Variants in ADGRE3 observed in about 807,000 individuals in gnomAD.
ADGRE3 encodes the protein EGF-like module receptor 3.
ADGRE3 carries 88 observed loss-of-function variants against 80.1 expected under a neutral mutation model. The ratio of observed to expected loss-of-function variants is 1.10; its 90% CI spans 0.93 to 1.31. The LOEUF (loss-of-function observed/expected upper bound fraction) is 1.31. Among genes scored for constraint, ADGRE3 ranks in the 40% most tolerant of loss-of-function variants. The pLI is 0.00. For missense variants in ADGRE3, 715 were observed against 776.5 expected (o/e 0.92, Z 0.94); for synonymous variants, 281 against 294.8 (o/e 0.95, Z 0.48).
intron 6 of ADGRE3, among the ~76,000 whole-genome samples, chr19:14,651,586 T>C (rs1043852759): frequency 6.6e-6 from 1 of 152,242 alleles, no homozygotes; most frequent in African/African-American, 2.4e-5. Flanking sequence ...GCTCTTAGCA[T>C]ACACCTTTGA....
At chr19:14,605,853 C>T in the ADGRE3 span, among the ~76,000 whole-genome samples, 1 of 152,130 alleles carries the variant, frequency 6.6e-6, no homozygotes, top group Non-Finnish European at 1.5e-5. Flanking sequence ...ATCCTCCCAC[C>T]TCAGCCTCCT....
the ADGRE3 span, chr19:14,611,216 C>T: frequency 1.3e-5 from 2 of 152,066 alleles, no homozygotes; most frequent in Admixed American, 6.6e-5. Flanking sequence ...TCTCCAGACA[C>T]TGCTTCCTTC....
Position 14,651,189 on chromosome 19 carries a change from G to A in ADGRE3, c.593C>T (p.Ala198Val), listed in dbSNP as rs753290906. The stretch of plus-strand genomic sequence containing the variant: ...TTCTTCAGAGCAATTGTCTGTAATC[G>A]CTTGAGTTTCAATAGCTGGTAAGAA... ...QNDSVAIETQAITDNCSEERK... is the reference protein window; with the variant it reads ...QNDSVAIETQVITDNCSEERK... The change falls in exon 7 of 16, where the codon GCG (alanine) becomes GTG (valine). Residue 198 changes from alanine to valine, a missense_variant. Ala to Val is a moderately conservative substitution (Grantham distance 64). Transcript: ENST00000253673. The A allele has an allele frequency of 1.9e-6, 3 of 1,613,992 alleles. No homozygotes were observed. Among genetic ancestry groups the A allele is most frequent in the Non-Finnish European group, 2.5e-6 (3 of 1,179,930 alleles).
intron 8 of ADGRE3, among the ~76,000 whole-genome samples, chr19:14,644,520 G>A (rs531170861): frequency 5.9e-5 from 9 of 151,796 alleles, no homozygotes; most frequent in East Asian, 1.9e-4. Flanking sequence ...AGGGTCAACC[G>A]TGCTGCCCAG....
intron 8 of ADGRE3, 22 bp from the exon 9 acceptor site, chr19:14,644,297 G>T: frequency 6.9e-7 from 1 of 1,453,898 alleles, no homozygotes; most frequent in Non-Finnish European, 9.2e-7. Context: ...AAATAGAAAG[G>T]GCTCATTGTC....
chr19:14,668,286 G>T (rs1005834243), intron 2 of ADGRE3, among the ~76,000 whole-genome samples: 2 of 151,916 alleles, frequency 1.3e-5, no homozygotes, highest in Admixed American at 6.6e-5. Context: ...AGACTCTCAG[G>T]TTCCACCCTA....
intron 6 of ADGRE3, among the ~76,000 whole-genome samples, chr19:14,653,777 A>G (rs1971670260): frequency 6.6e-6 from 1 of 151,942 alleles, no homozygotes; most frequent in Admixed American, 6.6e-5. Flanking sequence ...ATGAAGCCCA[A>G]TGAGGTGAGG....
chr19:14,668,626 G>C (rs907117219), intron 2 of ADGRE3, 176 bp downstream of exon 2: 10 of 555,232 alleles, frequency 1.8e-5, no homozygotes, highest in Non-Finnish European at 3.2e-5. Context: ...TAAATAAAAG[G>C]CTATCCATAT....
At chr19:14,664,218 A>G (rs1972031245) in intron 2 of ADGRE3, among the ~76,000 whole-genome samples, 1 of 152,034 alleles carries the variant, frequency 6.6e-6, no homozygotes, top group African/African-American at 2.4e-5. Flanking sequence ...CGGGTGGATC[A>G]CCTGAGGTCA....
intron 15 of ADGRE3, among the ~76,000 whole-genome samples, chr19:14,620,126 C>T (rs1416739126): frequency 6.6e-6 from 1 of 152,040 alleles, no homozygotes; most frequent in Non-Finnish European, 1.5e-5. Context: ...TTCTTGGGAA[C>T]AGAGTTAGAA....
intron 4 of ADGRE3, among the ~76,000 whole-genome samples, chr19:14,660,560 G>C (rs1159770545): frequency 6.6e-6 from 1 of 151,842 alleles, no homozygotes; most frequent in African/African-American, 2.4e-5. Flanking sequence ...GAAGTTCAAG[G>C]CTGCAGTGTG....
At chr19:14,604,122 G>T in the ADGRE3 span, among the ~76,000 whole-genome samples, 1 of 152,114 alleles carries the variant, frequency 6.6e-6, no homozygotes, top group African/African-American at 2.4e-5. Flanking sequence ...GGCCTTCTAA[G>T]CCTCCATCTA....
At position 14,663,594 on chromosome 19, in the gene ADGRE3, T is replaced by C. The variant is rs993340651; in HGVS notation, c.77-54A>G. 2.5e-6 allele frequency: 4 copies of C among 1,573,596 alleles called. No individual in the cohort carries two copies. In the Admixed American group the frequency reaches 6.8e-5, roughly 27 times the overall value. On this transcript the variant is annotated intron_variant, in intron 2 of 15. Coordinates refer to ENST00000253673, the MANE Select transcript of ADGRE3 (RefSeq NM_032571.5). The stretch of plus-strand genomic sequence containing the variant: ...GGACTGGGGTCACAAACTCTCCTGT[T>C]ATAATTAGGCCCTGCCTCTTGATCA...
chr19:14,616,254 G>A (rs1377342759), downstream of ADGRE3, among the ~76,000 whole-genome samples: 2 of 152,118 alleles, frequency 1.3e-5, no homozygotes, highest in African/African-American at 2.4e-5. Flanking sequence ...ACAGGTGTGA[G>A]CCACCGTGCC....
At chr19:14,625,634 G>T in intron 14 of ADGRE3, 35 bp from the exon 15 acceptor site, 1 of 1,368,932 alleles carries the variant, frequency 7.3e-7, no homozygotes, top group Non-Finnish European at 1.0e-6. Flanking sequence ...GATGGGTTTT[G>T]CTAACATTGG....
intron 2 of ADGRE3, among the ~76,000 whole-genome samples, chr19:14,667,275 C>A (rs1200333719): frequency 6.6e-6 from 1 of 151,642 alleles, no homozygotes; most frequent in Non-Finnish European, 1.5e-5. Flanking sequence ...TTCCATCCTT[C>A]CTGTGAATGG....
At chr19:14,658,601 C>A in intron 4 of ADGRE3, 51 bp from the exon 5 acceptor site, 3 of 1,437,544 alleles carry the variant, frequency 2.1e-6, no homozygotes, top group South Asian at 1.4e-5. Flanking sequence ...AGTGACCAGG[C>A]AGAGGGGTGG....
chr19:14,627,500 C>T (rs2146806440), intron 14 of ADGRE3, among the ~76,000 whole-genome samples: 1 of 152,246 alleles, frequency 6.6e-6, no homozygotes, highest in Middle Eastern at 3.4e-3. Flanking sequence ...GCCTCAGCCT[C>T]CCTAGTAGCT....
intron 5 of ADGRE3, among the ~76,000 whole-genome samples, chr19:14,657,044 C>T (rs554273660): frequency 3.3e-5 from 5 of 152,122 alleles, no homozygotes; most frequent in African/African-American, 1.2e-4. Flanking sequence ...TACAGGCATG[C>T]GCCCCCATGC....
Sources: gnomAD v4.1 joint callset for allele counts (sites outside exome capture counted in the v4.1 genomes callset) on GRCh38, gnomAD v4.1.1 for gene constraint, MANE v1.5 for transcripts, NCBI Gene and HGNC (gene_info 2026-07-23, HGNC 2026-07-21) for gene names.